Variants in PDE1A observed in about 807,000 individuals in gnomAD.
PDE1A encodes phosphodiesterase 1A, also known as dual specificity calcium/calmodulin-dependent 3',5'-cyclic nucleotide phosphodiesterase 1A.
Under a neutral mutation model 61.7 loss-of-function variants are expected in PDE1A, and 35 were observed. That is an observed-to-expected ratio of 0.57 (90% CI 0.43 to 0.75). The LOEUF (loss-of-function observed/expected upper bound fraction) is 0.75, where lower values mean the gene tolerates loss of function less well. Ranked by LOEUF, PDE1A falls within the 30% of genes least tolerant of loss-of-function variation. The pLI is 0.00. For missense variants in PDE1A, 597 were observed against 630.6 expected (o/e 0.95, Z 0.57); for synonymous variants, 232 against 213.2 (o/e 1.09, Z -0.77).
chr2:182,646,906 C>G, the PDE1A span, among the ~76,000 whole-genome samples: 1 of 152,164 alleles, frequency 6.6e-6, no homozygotes, highest in Non-Finnish European at 1.5e-5. Flanking sequence ...CCATCAGGCT[C>G]TCTGGTAATA....
At chr2:182,533,927 G>C in the PDE1A span, among the ~76,000 whole-genome samples, 1 of 151,998 alleles carries the variant, frequency 6.6e-6, no homozygotes, top group African/African-American at 2.4e-5. Flanking sequence ...GAGGCCATCT[G>C]CATGTGTATT....
chr2:182,155,830 G>T (rs1366262149), intron 13 of PDE1A, among the ~76,000 whole-genome samples: 4 of 152,216 alleles, frequency 2.6e-5, no homozygotes, highest in Admixed American at 6.5e-5. Flanking sequence ...GGCAGAGGTT[G>T]CAGTGAGCCG....
At chr2:182,639,085 G>C in the PDE1A span, among the ~76,000 whole-genome samples, 1 of 152,076 alleles carries the variant, frequency 6.6e-6, no homozygotes, top group Non-Finnish European at 1.5e-5. Context: ...TACCAAAAGA[G>C]GAACATACAT....
At chr2:182,438,733 G>A (rs1020120283) in intron 2 of PDE1A, among the ~76,000 whole-genome samples, 4 of 151,928 alleles carry the variant, frequency 2.6e-5, no homozygotes, top group African/African-American at 9.7e-5. Flanking sequence ...TACAGGAGAC[G>A]AATCTGAAAA....
chr2:182,264,078 T>C (rs1386331675), intron 2 of PDE1A, among the ~76,000 whole-genome samples: 1 of 152,208 alleles, frequency 6.6e-6, no homozygotes, highest in African/African-American at 2.4e-5. Flanking sequence ...TTGACTATCT[T>C]ATGACATTCA....
At chr2:182,559,184 G>T in the PDE1A span, among the ~76,000 whole-genome samples, 4 of 151,964 alleles carry the variant, frequency 2.6e-5, no homozygotes, top group Non-Finnish European at 5.9e-5. Flanking sequence ...TAAGTGAAAA[G>T]GTAAGACAAA....
intron 1 of PDE1A, among the ~76,000 whole-genome samples, chr2:182,264,867 G>GTATATATATATA (rs1216416384): frequency 2.9e-5 from 1 of 34,140 alleles, no homozygotes; most frequent in Non-Finnish European, 5.3e-5. Context: ...AGAAAATGTG[G>GTATATATATATA]TATATATATA....
At chr2:182,496,766 T>C (rs890426570) in intron 2 of PDE1A, among the ~76,000 whole-genome samples, 6 of 152,220 alleles carry the variant, frequency 3.9e-5, no homozygotes, top group Admixed American at 1.3e-4. Flanking sequence ...ATAGCAGCAG[T>C]AGTGATGGCA....
intron 7 of PDE1A, among the ~76,000 whole-genome samples, chr2:182,207,269 T>C (rs2125507109): frequency 6.6e-6 from 1 of 152,284 alleles, no homozygotes; most frequent in East Asian, 1.9e-4. Context: ...TAGGTAGAGA[T>C]AAGGAGGTCT....
chr2:182,668,571 C>T, the PDE1A span, among the ~76,000 whole-genome samples: 482 of 152,114 alleles, frequency 3.2e-3, 2 homozygotes, highest in African/African-American at 0.011. Flanking sequence ...AACTGAGGTT[C>T]AAGGGGGAGT....
intron 1 of PDE1A, among the ~76,000 whole-genome samples, chr2:182,276,148 GTTTC>G (rs1417886332): frequency 6.6e-6 from 1 of 150,408 alleles, no homozygotes; most frequent in Non-Finnish European, 1.5e-5. Flanking sequence ...TCTTTTCTCT[GTTTC>G]TTTGTTTCTG....
chr2:182,672,247 T>A, the PDE1A span, among the ~76,000 whole-genome samples: 1 of 152,214 alleles, frequency 6.6e-6, no homozygotes, highest in African/African-American at 2.4e-5. Context: ...CACATTAAAA[T>A]ATTACTATCA....
At chr2:182,547,300 G>T in the PDE1A span, among the ~76,000 whole-genome samples, 5 of 152,080 alleles carry the variant, frequency 3.3e-5, no homozygotes, top group Non-Finnish European at 7.4e-5. Flanking sequence ...CTGTCCATAT[G>T]TGTCTAGCAG....
chr2:182,386,941 G>A (rs988414047), intron 1 of PDE1A, among the ~76,000 whole-genome samples: 3 of 152,264 alleles, frequency 2.0e-5, no homozygotes, highest in Non-Finnish European at 2.9e-5. Flanking sequence ...CACTGAGAAT[G>A]GGCCATGATG....
At chr2:182,401,702 AG>A (rs1702007255) in intron 1 of PDE1A, among the ~76,000 whole-genome samples, 1 of 152,208 alleles carries the variant, frequency 6.6e-6, no homozygotes, top group African/African-American at 2.4e-5. Context: ...AAAGAAATAA[AG>A]GGTATTCAAA....
intron 1 of PDE1A, among the ~76,000 whole-genome samples, chr2:182,413,031 G>C (rs966581433): frequency 2.6e-5 from 4 of 152,160 alleles, no homozygotes; most frequent in African/African-American, 7.2e-5. Flanking sequence ...ACAAAAGAGA[G>C]AGAAGCATAA....
At chr2:182,333,967 C>A (rs1257118843) in intron 1 of PDE1A, among the ~76,000 whole-genome samples, 1 of 152,062 alleles carries the variant, frequency 6.6e-6, no homozygotes, top group East Asian at 1.9e-4. Context: ...TGCAAATAAA[C>A]CAGAAAATCT....
intron 10 of PDE1A, among the ~76,000 whole-genome samples, chr2:182,191,052 T>C (rs751829860): frequency 1.3e-5 from 2 of 152,168 alleles, no homozygotes; most frequent in East Asian, 1.9e-4. Context: ...AATGCATACA[T>C]TGAATAGTTT....
rs913039775 is a variant in PDE1A, at chr2:182,387,864, T to C, written c.53+38714A>G. Among the ~76,000 whole-genome samples, 9 of 152,190 alleles carry C rather than the reference T, an allele frequency of 5.9e-5. No individual in the cohort carries two copies. The East Asian group carries it at 1.5e-3, about 26-fold the overall frequency. On this transcript the variant is annotated intron_variant, in intron 1 of 13. Transcript: ENST00000351439. ...TCAATAATTACCTTGAATGTAAATG[T>C]ATTAAATTCTCCAATAGAAAGACAC...
Sources: allele counts gnomAD v4.1 joint callset (sites outside exome capture counted in the v4.1 genomes callset), GRCh38; gene constraint gnomAD v4.1.1; transcripts MANE v1.5; gene names NCBI Gene and HGNC (gene_info 2026-07-23, HGNC 2026-07-21).